Variants in COL27A1 observed in about 807,000 individuals in gnomAD.
The protein encoded by COL27A1 is collagen type XXVII alpha 1 chain.
Under a neutral mutation model 251.3 loss-of-function variants are expected in COL27A1, and 106 were observed. The observed-to-expected ratio is 0.42, with a 90% CI of 0.36 to 0.50. COL27A1 has a LOEUF of 0.50. Ranked by LOEUF, COL27A1 falls within the 20% of genes least tolerant of loss-of-function variation. COL27A1 has a pLI of 0.00. For missense variants in COL27A1, 2,325 were observed against 2,522.8 expected, an observed-to-expected ratio of 0.92 and a Z score of 1.68; for synonymous variants, 1,000 against 986.3, an observed-to-expected ratio of 1.01 and a Z score of -0.26.
intron 12 of COL27A1, among the ~76,000 whole-genome samples, chr9:114,215,446 A>C (rs1830654954): frequency 1.3e-5 from 2 of 152,186 alleles, no homozygotes; most frequent in African/African-American, 4.8e-5. Context: ...TGCCCCTGGA[A>C]TCCTGGAGAG....
intron 7 of COL27A1, among the ~76,000 whole-genome samples, chr9:114,202,431 A>G (rs981545552): frequency 2.6e-5 from 4 of 152,234 alleles, no homozygotes; most frequent in African/African-American, 9.6e-5. Context: ...ACAGAGTCAC[A>G]TAACCAAGAG....
chr9:114,214,690 C>T (rs1830599876), intron 12 of COL27A1, among the ~76,000 whole-genome samples: 1 of 152,230 alleles, frequency 6.6e-6, no homozygotes, highest in African/African-American at 2.4e-5. Context: ...AAGGTACTCT[C>T]CACATGGCTC....
intron 56 of COL27A1, among the ~76,000 whole-genome samples, 156 bp downstream of exon 56, chr9:114,302,264 C>G (rs558843576): frequency 7.2e-5 from 11 of 152,260 alleles, no homozygotes; most frequent in African/African-American, 2.6e-4. Flanking sequence ...AGACTTGGAC[C>G]CGGAAGCAAC....
intron 50 of COL27A1, 56 bp downstream of exon 50, chr9:114,300,179 A>G (rs1828521007): frequency 2.0e-6 from 3 of 1,493,838 alleles, no homozygotes; most frequent in East Asian, 4.6e-5. Flanking sequence ...CACCCCATTC[A>G]TTCATTTATT....
chr9:114,211,750 T>C (rs971004466), intron 12 of COL27A1, among the ~76,000 whole-genome samples: 1 of 152,214 alleles, frequency 6.6e-6, no homozygotes, highest in African/African-American at 2.4e-5. Context: ...GGGTCCCTAG[T>C]TGGCAGTCAT....
At chr9:114,291,319 A>C (rs747647364) in intron 48 of COL27A1, among the ~76,000 whole-genome samples, 2 of 152,142 alleles carry the variant, frequency 1.3e-5, no homozygotes, top group Non-Finnish European at 2.9e-5. Context: ...TGAAGGGGAG[A>C]TGTAGATGAA....
At chr9:114,219,423 C>T (rs1473144707) in intron 12 of COL27A1, among the ~76,000 whole-genome samples, 1 of 152,196 alleles carries the variant, frequency 6.6e-6, no homozygotes, top group African/African-American at 2.4e-5. Context: ...CCTTCTCCTC[C>T]TTGACCAGTG....
chr9:114,300,472 T>C lies in COL27A1; in HGVS notation c.4639-153T>C, dbSNP rs564769101. ...ACACTGCTGGTACCTGCTGAATAAT[T>C]GTAGGTGTTTCTTACTCCTTCTGGG... On this transcript the variant is annotated intron_variant, in intron 50 of 60. Transcript: ENST00000356083. 6 of 584,042 alleles carry C rather than the reference T, an allele frequency of 1.0e-5. No homozygotes were observed. In the Admixed American group the frequency reaches 2.0e-4, roughly 20 times the overall value. The allele number at this position is 584,042 out of a possible 1,614,324, so 36.2% of individuals were successfully genotyped here. A position where few individuals can be genotyped will look rare whatever the true frequency, so the allele number is the denominator to read the frequency against.
chr9:114,250,960 G>A (rs1434162471), intron 25 of COL27A1, among the ~76,000 whole-genome samples: 1 of 152,096 alleles, frequency 6.6e-6, no homozygotes, highest in African/African-American at 2.4e-5. Flanking sequence ...CACAGGGGTC[G>A]GCGAGAGCAG....
Position 114,234,254 on chromosome 9 carries a change from A to G in COL27A1, c.2566-1345A>G, listed in dbSNP as rs190234411. Among the ~76,000 whole-genome samples the G allele has an allele frequency of 2.0e-3, 293 of 147,716 alleles. 2 individuals carry two copies. Among genetic ancestry groups the G allele is most frequent in the Non-Finnish European group, 3.0e-3 (205 of 67,630 alleles). ...AAAAAAGTCCTGTGGTTCCCCAAAT[A>G]CCAGGATGTTGTACAGGATTTTCCA... On this transcript the variant is annotated intron_variant, in intron 16 of 60. Transcript: ENST00000356083.
intron 3 of COL27A1, among the ~76,000 whole-genome samples, chr9:114,171,863 C>G (rs754245771): frequency 1.1e-4 from 16 of 152,258 alleles, no homozygotes; most frequent in Admixed American, 1.3e-4. Context: ...TTGAGGAGGG[C>G]AGGCTGTGTG....
At chr9:114,234,109 T>C (rs774851095) in intron 16 of COL27A1, among the ~76,000 whole-genome samples, 14 of 151,622 alleles carry the variant, frequency 9.2e-5, no homozygotes, top group Non-Finnish European at 1.9e-4. Flanking sequence ...CGAGCCCAGC[T>C]CCCTTCAAAT....
chr9:114,174,863 C>T (rs1827282699), intron 3 of COL27A1, among the ~76,000 whole-genome samples: 1 of 152,156 alleles, frequency 6.6e-6, no homozygotes, highest in Non-Finnish European at 1.5e-5. Flanking sequence ...ATCATGAGCT[C>T]AGATGGTCAG....
At chr9:114,303,879 G>A (rs539454029) in intron 56 of COL27A1, among the ~76,000 whole-genome samples, 4 of 152,314 alleles carry the variant, frequency 2.6e-5, no homozygotes, top group South Asian at 2.1e-4. Flanking sequence ...ATAGAGAAAG[G>A]GGGCCTCCCT....
At chr9:114,295,043 G>A (rs1202614167) in intron 49 of COL27A1, among the ~76,000 whole-genome samples, 1 of 152,196 alleles carries the variant, frequency 6.6e-6, no homozygotes, top group Non-Finnish European at 1.5e-5. Flanking sequence ...TAGGCAATAT[G>A]CATAAATGAA....
rs1848973649 is a variant in COL27A1 at position 114,167,559 on chromosome 9, GATGA to G, written c.134-124_134-121del. ...CCACCATGGGGCGGTGTCATTTTTA[GATGA>G]ATGAACAAAGGACCAGGTAGCTGTG... On this transcript the variant is annotated intron_variant, in intron 2 of 60. Transcript: ENST00000356083. 3.9e-6 allele frequency: 3 copies of G among 774,118 alleles called. No individual in the cohort carries two copies. In the Admixed American group the frequency reaches 7.1e-5, roughly 18 times the overall value. 48.0% of individuals were successfully genotyped at this position (774,118 alleles called of 1,614,324 possible).
chr9:114,249,301 A>G (rs1423730480), intron 24 of COL27A1, among the ~76,000 whole-genome samples: 3 of 152,214 alleles, frequency 2.0e-5, no homozygotes, highest in African/African-American at 7.2e-5. Context: ...TTTTCTGTGA[A>G]ATGTTAGCTG....
chr9:114,168,152 T>G lies in COL27A1; in HGVS notation c.597T>G (p.Phe199Leu), dbSNP rs1450519152. Residue 199 changes from phenylalanine to leucine, a missense_variant, in exon 3 of 61, where the codon TTT becomes TTG. By Grantham distance (22) the Phe-to-Leu change is conservative. Around this residue, in one of 4 missense-constraint regions of COL27A1, gnomAD observed 1,183 missense variants for 1,144.1 expected, o/e 1.03. Transcript: ENST00000356083. ...PALDPGGSFL[F>L]GKMNPHAVQF... is the part of the protein sequence containing the mutation. ...TCGACCCTGGGGGCTCCTTCCTCTT[T>G]GGGAAGATGAACCCGCATGCAGTCC... The G allele has an allele frequency of 6.2e-7, 1 of 1,613,470 alleles. No individual in the cohort carries two copies. Among genetic ancestry groups the G allele is most frequent in the East Asian group, 2.2e-5 (1 of 44,868 alleles).
At chr9:114,240,296 T>G in intron 20 of COL27A1, 23 bp downstream of exon 20, 1 of 1,587,894 alleles carries the variant, frequency 6.3e-7, no homozygotes, top group Non-Finnish European at 8.6e-7. Context: ...CCAGGGCAGC[T>G]CCAGTTGGAG....
Sources: allele counts gnomAD v4.1 joint callset (sites outside exome capture counted in the v4.1 genomes callset), GRCh38; gene constraint gnomAD v4.1.1; regional missense constraint gnomAD v4.1.1; transcripts MANE v1.5; gene names NCBI Gene and HGNC (gene_info 2026-07-23, HGNC 2026-07-21).